Variants in ATAT1 observed in about 807,000 individuals in gnomAD.
ATAT1 encodes alpha-tubulin N-acetyltransferase 1.
ATAT1 carries 42 observed loss-of-function variants against 57.2 expected under a neutral mutation model. The ratio of observed to expected loss-of-function variants is 0.73; its 90% confidence interval spans 0.57 to 0.95. ATAT1 has a LOEUF of 0.95. ATAT1 is among the 40% of genes least tolerant of loss of function. The pLI, the probability that ATAT1 is intolerant of heterozygous loss-of-function variation, is 0.00. For synonymous variants in ATAT1, 168 were observed against 187.1 expected (o/e 0.90, Z 0.83); for missense variants, 454 against 523.7 (o/e 0.87, Z 1.30).
chr6:30,639,095 C>T (rs565671640), intron 6 of ATAT1, among the ~76,000 whole-genome samples: 5 of 152,198 alleles, frequency 3.3e-5, no homozygotes, highest in African/African-American at 1.2e-4. Context: ...ACTCTCCTGC[C>T]TCAGCCTCCC....
intron 10 of ATAT1, chr6:30,644,487 C>T (rs1240058485): frequency 6.1e-6 from 6 of 985,700 alleles, no homozygotes; most frequent in Non-Finnish European, 7.2e-6. Context: ...GATCCCTTCC[C>T]CTCCCTACCC....
chr6:30,628,082 T>C lies in ATAT1; in HGVS notation c.336T>C (p.Phe112=), dbSNP rs1762058918. Reference sequence around the variant, plus strand: ...TAGAACCACTTTGCATCCTGGACTTTTACATCCATGAGTCTGTGCAACGCC... The same window carrying C: ...TAGAACCACTTTGCATCCTGGACTTCTACATCCATGAGTCTGTGCAACGCC... The change falls in exon 5 of 13, where the codon TTT becomes TTC. Residue 112 remains phenylalanine, a synonymous_variant. Transcript: ENST00000330083. 1.2e-6 allele frequency: 2 copies of C among 1,612,944 alleles called. No individual in the cohort carries two copies. The highest frequency in any genetic ancestry group is 2.7e-5 in the African/African-American group (2 of 74,918).
In ATAT1 at chr6:30,640,370, C is replaced by G; in HGVS notation, c.502-7C>G. 1 of 1,612,982 alleles carries G rather than the reference C, an allele frequency of 6.2e-7. No individual in the cohort carries two copies. Among genetic ancestry groups the G allele is most frequent in the African/African-American group, 1.3e-5 (1 of 75,026 alleles). The stretch of plus-strand genomic sequence containing the variant: ...CATGATTGTATTTTGTTTGTTTCAT[C>G]TTCCAGGTGAACAACTTTGTGATCT... On this transcript the variant is annotated splice_region_variant and splice_polypyrimidine_tract_variant and intron_variant, in intron 6 of 12. Coordinates refer to ENST00000330083, the MANE Select transcript of ATAT1 (RefSeq NM_001031722.4).
At chr6:30,639,349 TTGTC>T (rs1356043931) in intron 6 of ATAT1, among the ~76,000 whole-genome samples, 7 of 152,194 alleles carry the variant, frequency 4.6e-5, no homozygotes, top group African/African-American at 1.4e-4. Flanking sequence ...TACAAGTCCT[TTGTC>T]TGTTCTTAAA....
chr6:30,641,473 T>C (rs1222618083), intron 8 of ATAT1, among the ~76,000 whole-genome samples: 1 of 152,060 alleles, frequency 6.6e-6, no homozygotes, highest in Non-Finnish European at 1.5e-5. Context: ...TGGATAAAGC[T>C]TAAGTGAATT....
intron 6 of ATAT1, among the ~76,000 whole-genome samples, chr6:30,634,147 A>G (rs1359562288): frequency 2.0e-5 from 3 of 152,176 alleles, no homozygotes; most frequent in Non-Finnish European, 2.9e-5. Context: ...AGAGGAGGAA[A>G]AAAGAACCAA....
Position 30,627,042 on chromosome 6 carries a change from A to G in ATAT1, c.-162A>G, listed in dbSNP as rs1582729243. ...GCCCTTTTCTCCCGGTTCCTCTCCAAACCTGGTCCAGGCACCACGCCCCCT... is the reference window on the plus strand; with the variant it reads ...GCCCTTTTCTCCCGGTTCCTCTCCAGACCTGGTCCAGGCACCACGCCCCCT... On this transcript the variant is annotated 5_prime_UTR_variant, in exon 1 of 13. Transcript: ENST00000330083. 21 of 1,551,766 alleles carry G rather than the reference A, an allele frequency of 1.4e-5. No individual in the cohort carries two copies. The East Asian group carries it at 5.1e-4, about 37-fold the overall frequency.
rs1432743431 is a variant in ATAT1 at position 30,642,169 on chromosome 6, C to T, written c.617-7C>T. 2 of 1,614,110 alleles carry T rather than the reference C, an allele frequency of 1.2e-6. No individual in the cohort carries two copies. The highest frequency in any genetic ancestry group is 3.3e-5 in the Admixed American group (2 of 60,020). On this transcript the variant is annotated splice_region_variant and splice_polypyrimidine_tract_variant and intron_variant, in intron 8 of 12. Transcript: ENST00000330083. ...GCTTACCCTGCCTATGTCCCCTCCA[C>T]TGCCAGCTCCAGCAAGGAAGCTGCC...
Position 30,646,763 on chromosome 6 carries a change from A to C in ATAT1, c.*120A>C. ...CATTCATTCATTCAGCAGGCTTATC[A>C]GATTCAAGTCATTTGTATCTTTTAA... On this transcript the variant is annotated 3_prime_UTR_variant, in exon 13 of 13. Coordinates refer to ENST00000330083, the MANE Select transcript of ATAT1 (RefSeq NM_001031722.4). The C allele has an allele frequency of 7.4e-7, 1 of 1,349,228 alleles. No homozygotes were observed. Among genetic ancestry groups the C allele is most frequent in the South Asian group, 1.7e-5 (1 of 59,016 alleles). The allele number at this position is 1,349,228 out of a possible 1,614,324, so 83.6% of individuals were successfully genotyped here. A position where few individuals can be genotyped will look rare whatever the true frequency, so the allele number is the denominator to read the frequency against.
At chr6:30,631,983 C>T (rs1762986846) in intron 6 of ATAT1, among the ~76,000 whole-genome samples, 1 of 151,916 alleles carries the variant, frequency 6.6e-6, no homozygotes, top group Non-Finnish European at 1.5e-5. Flanking sequence ...GCCTTATAGG[C>T]TACTGCAAAG....
At chr6:30,637,752 C>T (rs1038972459) in intron 6 of ATAT1, among the ~76,000 whole-genome samples, 3 of 151,408 alleles carry the variant, frequency 2.0e-5, no homozygotes, top group South Asian at 2.1e-4. Flanking sequence ...CCAAGGCGGG[C>T]GGATCACGAG....
intron 10 of ATAT1, 176 bp downstream of exon 10, chr6:30,643,187 G>A (rs1765900099): frequency 3.4e-6 from 5 of 1,450,332 alleles, no homozygotes; most frequent in Non-Finnish European, 4.5e-6. Flanking sequence ...AAAATGCAGT[G>A]AAGGAGCAGA....
chr6:30,627,140 T>G lies in ATAT1; in HGVS notation c.-64T>G. On this transcript the variant is annotated 5_prime_UTR_variant, in exon 1 of 13. Coordinates refer to ENST00000330083, the MANE Select transcript of ATAT1 (RefSeq NM_001031722.4). ...TGGTGACCTCTGACCCTGGGCCTAGTGGGATTGATCAGCGCTTGGATCTGT... is the reference window on the plus strand; with the variant it reads ...TGGTGACCTCTGACCCTGGGCCTAGGGGGATTGATCAGCGCTTGGATCTGT... 1.5e-5 allele frequency: 24 copies of G among 1,607,420 alleles called. No homozygotes were observed. Among genetic ancestry groups the G allele is most frequent in the Non-Finnish European group, 2.0e-5 (24 of 1,176,718 alleles).
At chr6:30,644,420 T>G in intron 10 of ATAT1, 1 of 985,882 alleles carries the variant, frequency 1.0e-6, no homozygotes, top group African/African-American at 1.7e-5. Context: ...GTCCTTCCTC[T>G]CTCCTTTCCT....
At position 30,645,915 on chromosome 6, in the gene ATAT1, T is replaced by G; in HGVS notation, c.953T>G (p.Val318Gly). The stretch of plus-strand genomic sequence containing the variant: ...TACAGGGGGACTCCCCCAGGTCTGG[T>G]AGCCCAAAGCTGCTGCTACAGCCGC... The change falls in exon 11 of 13, where the codon GTA (valine) becomes GGA (glycine). Residue 318 changes from valine (V) to glycine (G), a missense_variant. This residue lies in a region of ATAT1 where 216 missense variants were observed against 222.2 expected (regional missense o/e 0.97). Coordinates refer to ENST00000330083, the MANE Select transcript of ATAT1 (RefSeq NM_001031722.4). 1 of 1,511,278 alleles carries G rather than the reference T, an allele frequency of 6.6e-7. No individual in the cohort carries two copies. The highest frequency in any genetic ancestry group is 2.3e-5 in the East Asian group (1 of 42,850). 93.6% of individuals were successfully genotyped at this position (1,511,278 alleles called of 1,614,324 possible).
intron 6 of ATAT1, chr6:30,633,876 G>A (rs573996887): frequency 3.5e-5 from 6 of 169,134 alleles, no homozygotes; most frequent in East Asian, 1.9e-4. Flanking sequence ...CAGCTGAGGC[G>A]GTATGGACAA....
Position 30,627,090 on chromosome 6 carries a change from C to G in ATAT1, c.-114C>G. The G allele has an allele frequency of 6.4e-7, 1 of 1,558,898 alleles. No individual in the cohort carries two copies. The highest frequency in any genetic ancestry group is 8.7e-7 in the Non-Finnish European group (1 of 1,149,366). On this transcript the variant is annotated 5_prime_UTR_variant, in exon 1 of 13. Transcript: ENST00000330083. ...CCTTCTCACTGACTAGTGATCGCCCCTTTTGATGTCCAGGCCTGCCTTTTT... is the reference window on the plus strand; with the variant it reads ...CCTTCTCACTGACTAGTGATCGCCCGTTTTGATGTCCAGGCCTGCCTTTTT...
intron 6 of ATAT1, 62 bp downstream of exon 6, chr6:30,628,492 T>C: frequency 2.2e-6 from 3 of 1,391,268 alleles, no homozygotes; most frequent in African/African-American, 1.4e-5. Flanking sequence ...TTGTTATTTA[T>C]GGCAAAGAAG....
Position 30,642,833 on chromosome 6 carries a change from G to GGGGCCCCCCCCCCCCCCCCCCCCCC in ATAT1, c.754_755insGGGCCCCCCCCCCCCCCCCCCCCCC (p.Ala252GlyfsTer56). On this transcript the variant is annotated frameshift_variant, in exon 10 of 13. Coordinates refer to ENST00000330083, the MANE Select transcript of ATAT1 (RefSeq NM_001031722.4). LOFTEE classifies it high-confidence loss of function. ...GGCCCCTCGCCGCGCCACACCTCCA[G>GGGGCCCCCCCCCCCCCCCCCCCCCC]CCCACCCACCCCCCCGCTCCAGCAG... 6.5e-7 allele frequency: 1 copy of GGGGCCCCCCCCCCCCCCCCCCCCCC among 1,537,860 alleles called. No individual in the cohort carries two copies. The highest frequency in any genetic ancestry group is 8.7e-7 in the Non-Finnish European group (1 of 1,145,768).
Sources: allele counts gnomAD v4.1 joint callset (sites outside exome capture counted in the v4.1 genomes callset), GRCh38; gene constraint gnomAD v4.1.1; regional missense constraint gnomAD v4.1.1; transcripts MANE v1.5; gene names NCBI Gene and HGNC (gene_info 2026-07-23, HGNC 2026-07-21).